Variants in GPC6 observed in about 807,000 individuals in gnomAD.
The protein encoded by GPC6 is glypican-6.
GPC6 carries 14 observed loss-of-function variants against 55.2 expected under a neutral mutation model. The ratio of observed to expected loss-of-function variants is 0.25; its 90% CI spans 0.17 to 0.40. The LOEUF (loss-of-function observed/expected upper bound fraction) is 0.40, where lower values mean the gene tolerates loss of function less well. Among genes scored for constraint, GPC6 ranks in the 10% least tolerant of loss-of-function variants. The pLI is 1.00. For synonymous variants in GPC6, 278 were observed against 259.6 expected, an observed-to-expected ratio of 1.07 and a Z score of -0.68; for missense variants, 641 against 708.5, an observed-to-expected ratio of 0.90 and a Z score of 1.08.
chr13:94,359,294 C>A (rs534897679), intron 6 of GPC6, among the ~76,000 whole-genome samples: 3 of 152,108 alleles, frequency 2.0e-5, no homozygotes, highest in Non-Finnish European at 4.4e-5. Context: ...GTTTAACTTT[C>A]CTTTAATTAT....
chr13:93,300,428 C>T (rs1878634488), intron 1 of GPC6, among the ~76,000 whole-genome samples: 1 of 151,820 alleles, frequency 6.6e-6, no homozygotes, highest in African/African-American at 2.4e-5. Context: ...GCGGGCGGAT[C>T]ACGAGGTCAG....
intron 2 of GPC6, among the ~76,000 whole-genome samples, chr13:93,654,025 T>G (rs2139602475): frequency 6.6e-6 from 1 of 152,290 alleles, no homozygotes; most frequent in East Asian, 1.9e-4. Context: ...ATTGCAAAAC[T>G]TGAATTTCAC....
At chr13:94,396,452 G>A (rs923760863) in intron 7 of GPC6, among the ~76,000 whole-genome samples, 3 of 152,206 alleles carry the variant, frequency 2.0e-5, no homozygotes, top group Non-Finnish European at 4.4e-5. Context: ...GGTGTAGCTT[G>A]GTGACCACAG....
At chr13:93,807,885 G>A (rs572734553) in intron 2 of GPC6, among the ~76,000 whole-genome samples, 12 of 152,318 alleles carry the variant, frequency 7.9e-5, no homozygotes, top group African/African-American at 2.6e-4. Context: ...GCTGTCTTCA[G>A]TAATCTGTAT....
chr13:94,233,275 C>T (rs1268118829), intron 4 of GPC6, among the ~76,000 whole-genome samples: 1 of 151,698 alleles, frequency 6.6e-6, no homozygotes, highest in Non-Finnish European at 1.5e-5. Flanking sequence ...AACAAACAAA[C>T]AACAATAACA....
At chr13:93,925,891 G>T (rs1236823161) in intron 3 of GPC6, among the ~76,000 whole-genome samples, 1 of 152,186 alleles carries the variant, frequency 6.6e-6, no homozygotes, top group African/African-American at 2.4e-5. Context: ...TGGGCGAGAT[G>T]GCTCCTTACT....
rs1238499092 is a variant in GPC6 at position 93,485,143 on chromosome 13, T to A, written c.161-60120T>A. Among the ~76,000 whole-genome samples the A allele has an allele frequency of 3.9e-5, 6 of 152,190 alleles. 1 individual carries two copies. The highest frequency in any genetic ancestry group is 1.2e-4 in the African/African-American group (5 of 41,442). ...ATGGAAGGCTTTTTAAAGGAATTAA[T>A]TCTTGGACTAAGTTTTAAAATACGA... is the stretch of plus-strand genomic sequence containing the variant. On this transcript the variant is annotated intron_variant, in intron 1 of 8. Transcript: ENST00000377047.
At chr13:94,203,882 A>G (rs1464131977) in intron 4 of GPC6, among the ~76,000 whole-genome samples, 1 of 152,004 alleles carries the variant, frequency 6.6e-6, no homozygotes, top group African/African-American at 2.4e-5. Flanking sequence ...CTTCATCTCT[A>G]TGGCTTTTTA....
At chr13:94,354,739 C>A (rs1305927919) in intron 6 of GPC6, among the ~76,000 whole-genome samples, 1 of 152,228 alleles carries the variant, frequency 6.6e-6, no homozygotes, top group Non-Finnish European at 1.5e-5. Context: ...GAGAAGGCTT[C>A]AGACCTGAGA....
At chr13:94,003,383 A>G (rs1331355346) in intron 3 of GPC6, among the ~76,000 whole-genome samples, 2 of 152,202 alleles carry the variant, frequency 1.3e-5, no homozygotes, top group Non-Finnish European at 2.9e-5. Flanking sequence ...AACTGCATCA[A>G]TAGAGCTCAG....
intron 2 of GPC6, among the ~76,000 whole-genome samples, chr13:93,769,259 T>C (rs960470009): frequency 6.6e-6 from 1 of 152,062 alleles, no homozygotes; most frequent in Non-Finnish European, 1.5e-5. Context: ...CAGAGCAAAG[T>C]AATATTCTTG....
chr13:93,482,695 G>T (rs1265186722), intron 1 of GPC6, among the ~76,000 whole-genome samples: 1 of 152,094 alleles, frequency 6.6e-6, no homozygotes, highest in Non-Finnish European at 1.5e-5. Context: ...GCACCAGGTG[G>T]CATGGAATGT....
intron 2 of GPC6, among the ~76,000 whole-genome samples, chr13:93,713,099 GAAATTAA>G (rs1316384310): frequency 3.3e-5 from 5 of 151,444 alleles, no homozygotes; most frequent in Non-Finnish European, 5.9e-5. Flanking sequence ...TGATTAAACA[GAAATTAA>G]AAACATAAAT....
chr13:94,310,674 G>A (rs1461264741), intron 6 of GPC6, among the ~76,000 whole-genome samples: 1 of 151,944 alleles, frequency 6.6e-6, no homozygotes, highest in African/African-American at 2.4e-5. Context: ...AAATTATCTG[G>A]AGTGGATTGA....
At chr13:93,315,956 G>T (rs1468813737) in intron 1 of GPC6, among the ~76,000 whole-genome samples, 1 of 151,920 alleles carries the variant, frequency 6.6e-6, no homozygotes, top group Non-Finnish European at 1.5e-5. Context: ...AATTAATAAC[G>T]TTCATATATG....
intron 2 of GPC6, among the ~76,000 whole-genome samples, chr13:93,691,006 C>G (rs888575027): frequency 6.6e-6 from 1 of 152,046 alleles, no homozygotes; most frequent in Non-Finnish European, 1.5e-5. Flanking sequence ...TGTATTTCTT[C>G]TCTCTGACCC....
chr13:93,344,124 A>T (rs1223267385), intron 1 of GPC6, among the ~76,000 whole-genome samples: 1 of 151,854 alleles, frequency 6.6e-6, no homozygotes, highest in Non-Finnish European at 1.5e-5. Flanking sequence ...GAAATAACCC[A>T]CCTCCTCCAC....
chr13:94,388,000 G>A (rs1880486381), intron 7 of GPC6, among the ~76,000 whole-genome samples: 1 of 152,140 alleles, frequency 6.6e-6, no homozygotes, highest in Admixed American at 6.6e-5. Context: ...AAGCTTTTAG[G>A]TGATGCAGTT....
At chr13:93,847,931 T>C (rs1464182489) in intron 3 of GPC6, among the ~76,000 whole-genome samples, 1 of 152,160 alleles carries the variant, frequency 6.6e-6, no homozygotes, top group Non-Finnish European at 1.5e-5. Context: ...TATTTTATAA[T>C]TCTCTTCGTT....
Sources: gnomAD v4.1 joint callset for allele counts (sites outside exome capture counted in the v4.1 genomes callset) on GRCh38, gnomAD v4.1.1 for gene constraint, MANE v1.5 for transcripts, NCBI Gene and HGNC (gene_info 2026-07-23, HGNC 2026-07-21) for gene names.